GLI2: variants seen among roughly 807,000 people sequenced by gnomAD.
GLI2 encodes GLI family zinc finger 2.
Under a neutral mutation model 78.9 loss-of-function variants are expected in GLI2, and 22 were observed. That is an observed-to-expected ratio of 0.28 (90% CI 0.20 to 0.40). The LOEUF is 0.40. Among genes scored for constraint, GLI2 ranks in the 10% least tolerant of loss-of-function variants. The probability of loss-of-function intolerance (pLI) is 1.00; values close to 1 mark genes in which losing one functional copy is unlikely to be tolerated. For missense variants in GLI2, 2,097 were observed against 2,213.2 expected (o/e 0.95, Z 1.05); for synonymous variants, 974 against 963.7 (o/e 1.01, Z -0.20).
Position 120,990,417 on chromosome 2 carries a change from C to T in GLI2, c.4452C>T (p.Asp1484=), listed in dbSNP as rs965321432. Residue 1484 remains aspartate, a synonymous_variant, in exon 14 of 14, where the codon GAC becomes GAT. Transcript: ENST00000361492. The part of the protein sequence containing the change: ...PGVNQVSSTV[D]SQLLEAPQID... ...TCAACCAGGTGTCCAGCACTGTGGA[C>T]TCCCAGCTCCTGGAGGCCCCCCAGA... 10 of 1,614,126 alleles carry T rather than the reference C, an allele frequency of 6.2e-6. No individual in the cohort carries two copies. The Admixed American group carries it at 1.5e-4, about 24-fold the overall frequency.
chr2:120,839,918 C>A (rs1686789819), intron 2 of GLI2, among the ~76,000 whole-genome samples: 1 of 152,170 alleles, frequency 6.6e-6, no homozygotes. Flanking sequence ...TTGGTTGATT[C>A]TCTTTCTCGT....
chr2:120,972,138 G>C (rs1682213760), intron 8 of GLI2, 75 bp downstream of exon 8: 2 of 1,530,718 alleles, frequency 1.3e-6, no homozygotes, highest in South Asian at 2.3e-5. Context: ...CTGTACCCTT[G>C]GTGGTGAACG....
At position 120,992,190 on chromosome 2, in the gene GLI2, C is replaced by T. The variant is rs1189074375; in HGVS notation, c.*1515C>T. 1.3e-5 allele frequency: 2 copies of T among 152,550 alleles called. No homozygotes were observed. Among genetic ancestry groups the T allele is most frequent in the African/African-American group, 2.4e-5 (1 of 41,410 alleles). The allele number at this position is 152,550 out of a possible 1,614,324, so 9.4% of individuals were successfully genotyped here. A position where few individuals can be genotyped will look rare whatever the true frequency, so the allele number is the denominator to read the frequency against. On this transcript the variant is annotated 3_prime_UTR_variant, in exon 14 of 14. Coordinates refer to ENST00000361492, the MANE Select transcript of GLI2 (RefSeq NM_001374353.1). ...CAAGGCCAACATCGTCATCTGGGCTCGCTGCGTCCCAGCACATCAAACTCT... is the reference window on the plus strand; with the variant it reads ...CAAGGCCAACATCGTCATCTGGGCTTGCTGCGTCCCAGCACATCAAACTCT...
At chr2:120,855,950 C>T (rs575916375) in intron 2 of GLI2, among the ~76,000 whole-genome samples, 1 of 152,188 alleles carries the variant, frequency 6.6e-6, no homozygotes, top group Admixed American at 6.5e-5. Context: ...ATTTAAAACA[C>T]CAGCAGGCAC....
intron 2 of GLI2, among the ~76,000 whole-genome samples, chr2:120,824,087 A>G (rs1336909089): frequency 6.6e-6 from 1 of 152,192 alleles, no homozygotes; most frequent in African/African-American, 2.4e-5. Context: ...AAACGTTCAT[A>G]TCTTGGGGGG....
intron 1 of GLI2, among the ~76,000 whole-genome samples, chr2:120,759,017 C>T (rs1683132597): frequency 6.6e-6 from 1 of 152,164 alleles, no homozygotes; most frequent in Non-Finnish European, 1.5e-5. Flanking sequence ...CTGCACCCTC[C>T]CCCACCCCCA....
chr2:120,947,027 C>A (rs61003573), intron 3 of GLI2, among the ~76,000 whole-genome samples: 43,179 of 152,098 alleles, frequency 0.28, 7,039 homozygotes, highest in South Asian at 0.5. Flanking sequence ...AGCTCCCTAC[C>A]CAGAGTAGGG....
rs1558946867 is a variant in GLI2, at chr2:120,990,735, G to A, written c.*60G>A. ...GGGTCATCGCTGCCCAGAGCCTGGG[G>A]ATTCCAGCTGTCTTGTCTTTTTCCA... On this transcript the variant is annotated 3_prime_UTR_variant, in exon 14 of 14. Coordinates refer to ENST00000361492, the MANE Select transcript of GLI2 (RefSeq NM_001374353.1). The A allele has an allele frequency of 7.1e-7, 1 of 1,406,708 alleles. No individual in the cohort carries two copies. The highest frequency in any genetic ancestry group is 9.8e-7 in the Non-Finnish European group (1 of 1,021,102). The allele number at this position is 1,406,708 out of a possible 1,614,324, so 87.1% of individuals were successfully genotyped here.
intron 3 of GLI2, among the ~76,000 whole-genome samples, chr2:120,934,334 G>A (rs530961622): frequency 6.6e-6 from 1 of 152,364 alleles, no homozygotes; most frequent in Admixed American, 6.5e-5. Context: ...AAGGCAGTGA[G>A]TGTATGGGGT....
At position 120,964,945 on chromosome 2, in the gene GLI2, A is replaced by C. The variant is rs780890770; in HGVS notation, c.644-3769A>C. Among the ~76,000 whole-genome samples the C allele has an allele frequency of 2.4e-4, 36 of 152,222 alleles. 1 individual carries two copies. Among genetic ancestry groups the C allele is most frequent in the Non-Finnish European group, 4.4e-4 (30 of 68,042 alleles). Reference sequence around the variant, plus strand: ...CCTCTGTAGCTCTGTGACCTTGAGCAAGTCACTGACCTCTCAAGCATAGTT... The same window carrying C: ...CCTCTGTAGCTCTGTGACCTTGAGCCAGTCACTGACCTCTCAAGCATAGTT... On this transcript the variant is annotated intron_variant, in intron 5 of 13. Transcript: ENST00000361492.
Position 120,990,267 on chromosome 2 carries a change from C to A in GLI2, c.4302C>A (p.Ile1434=). The part of the protein sequence containing the change: ...DHSMLYYYGQ[I]HMYEQDGGLE... ...GCATGCTCTACTACTACGGCCAGATCCACATGTACGAACAGGATGGAGGCC... is the reference window on the plus strand; with the variant it reads ...GCATGCTCTACTACTACGGCCAGATACACATGTACGAACAGGATGGAGGCC... The change falls in exon 14 of 14, where the codon ATC becomes ATA. Residue 1434 remains isoleucine, a synonymous_variant. Transcript: ENST00000361492. 4 of 1,613,746 alleles carry A rather than the reference C, an allele frequency of 2.5e-6. No individual in the cohort carries two copies. Among genetic ancestry groups the A allele is most frequent in the Non-Finnish European group, 2.5e-6 (3 of 1,180,028 alleles).
chr2:120,774,227 C>G (rs1464752272), intron 1 of GLI2, among the ~76,000 whole-genome samples: 1 of 152,202 alleles, frequency 6.6e-6, no homozygotes, highest in African/African-American at 2.4e-5. Flanking sequence ...GCTGAGAAAT[C>G]TGGCAGCTTT....
At chr2:120,890,626 T>G (rs1677634058) in intron 2 of GLI2, among the ~76,000 whole-genome samples, 1 of 152,200 alleles carries the variant, frequency 6.6e-6, no homozygotes, top group Admixed American at 6.5e-5. Context: ...AGGTAAATCA[T>G]ACACAGGATG....
At chr2:120,758,402 G>A (rs1683101427) in intron 1 of GLI2, among the ~76,000 whole-genome samples, 1 of 152,236 alleles carries the variant, frequency 6.6e-6, no homozygotes, top group Non-Finnish European at 1.5e-5. Flanking sequence ...AGTGGGAAGG[G>A]CCTATGTGAA....
chr2:120,814,042 G>C (rs1685383221), intron 2 of GLI2, among the ~76,000 whole-genome samples: 1 of 151,838 alleles, frequency 6.6e-6, no homozygotes, highest in Non-Finnish European at 1.5e-5. Context: ...TCATCCCTGG[G>C]GGGACTCTGG....
At chr2:120,963,412 G>A (rs1192031225) in intron 5 of GLI2, among the ~76,000 whole-genome samples, 1 of 152,222 alleles carries the variant, frequency 6.6e-6, no homozygotes, top group Non-Finnish European at 1.5e-5. Context: ...CAGGGACAGT[G>A]GCAGAGGCTG....
chr2:120,820,601 C>T (rs778462781), intron 2 of GLI2, among the ~76,000 whole-genome samples: 50 of 152,196 alleles, frequency 3.3e-4, no homozygotes, highest in Non-Finnish European at 4.7e-4. Context: ...GGACACCCTG[C>T]GGGGACGGCT....
At chr2:120,751,767 A>G (rs147787049) in intron 1 of GLI2, among the ~76,000 whole-genome samples, 60 of 152,290 alleles carry the variant, frequency 3.9e-4, no homozygotes, top group African/African-American at 1.3e-3. Flanking sequence ...ATTGTTTTGC[A>G]ATCTTCACAC....
chr2:120,923,149 C>CACAT (rs57024328), intron 2 of GLI2, among the ~76,000 whole-genome samples: 144,543 of 150,804 alleles, frequency 0.96, 69,298 homozygotes, highest in East Asian at 1. Context: ...CACACATACA[C>CACAT]ATACACAGCA....
Sources: allele counts gnomAD v4.1 joint callset (sites outside exome capture counted in the v4.1 genomes callset), GRCh38; gene constraint gnomAD v4.1.1; transcripts MANE v1.5; gene names NCBI Gene and HGNC (gene_info 2026-07-23, HGNC 2026-07-21).